The following SETBP1 variants were observed in gnomAD, a reference collection of about 807,000 sequenced individuals.
The protein encoded by SETBP1 is SET-binding protein.
SETBP1 carries 9 observed loss-of-function variants against 101.0 expected under a neutral mutation model. That is an observed-to-expected ratio of 0.09 (90% confidence interval 0.05 to 0.16). The LOEUF is 0.16. SETBP1 is among the 10% of genes least tolerant of loss of function. SETBP1 has a pLI of 1.00. For missense variants in SETBP1, 1,858 were observed against 2,033.8 expected (o/e 0.91, Z 1.66); for synonymous variants, 818 against 788.5 (o/e 1.04, Z -0.63).
intron 2 of SETBP1, among the ~76,000 whole-genome samples, chr18:44,856,923 T>C (rs1555692031): frequency 6.6e-6 from 1 of 152,240 alleles, no homozygotes; most frequent in Non-Finnish European, 1.5e-5. Flanking sequence ...TAGCTCCCCG[T>C]GTAGCAACGG....
chr18:45,035,017 G>C (rs1032679207), intron 4 of SETBP1, among the ~76,000 whole-genome samples: 1 of 150,446 alleles, frequency 6.6e-6, no homozygotes, highest in Non-Finnish European at 1.5e-5. Context: ...CCCCAACTTT[G>C]CTTTTGCTCA....
chr18:44,700,606 T>C (rs576930163), intron 1 of SETBP1, among the ~76,000 whole-genome samples: 1 of 152,220 alleles, frequency 6.6e-6, no homozygotes, highest in South Asian at 2.1e-4. Context: ...AATAGAGAGG[T>C]CTTTGCATAA....
intron 2 of SETBP1, among the ~76,000 whole-genome samples, chr18:44,744,109 G>A (rs1411735826): frequency 4.6e-5 from 7 of 152,180 alleles, no homozygotes; most frequent in African/African-American, 1.7e-4. Context: ...CATTGCTGGC[G>A]AACCCCCACT....
intron 3 of SETBP1, among the ~76,000 whole-genome samples, chr18:44,893,973 G>A (rs2069832298): frequency 6.6e-6 from 1 of 152,100 alleles, no homozygotes; most frequent in Non-Finnish European, 1.5e-5. Flanking sequence ...AGGGATTGGA[G>A]GGGACACTTT....
chr18:44,983,772 T>C (rs1279339635), intron 4 of SETBP1, among the ~76,000 whole-genome samples: 1 of 152,188 alleles, frequency 6.6e-6, no homozygotes, highest in Non-Finnish European at 1.5e-5. Context: ...GTATGGAACT[T>C]TGGGAAGAAC....
intron 4 of SETBP1, among the ~76,000 whole-genome samples, chr18:45,027,406 A>G (rs1164003123): frequency 6.6e-6 from 1 of 152,176 alleles, no homozygotes; most frequent in Admixed American, 6.5e-5. Context: ...AGAGCTTGCA[A>G]TAACCCAATG....
At chr18:44,694,115 A>G (rs577110976) in intron 1 of SETBP1, among the ~76,000 whole-genome samples, 13 of 152,362 alleles carry the variant, frequency 8.5e-5, no homozygotes, top group Middle Eastern at 3.4e-3. Flanking sequence ...GCAAAACAAT[A>G]GTAGATGGAT....
intron 3 of SETBP1, among the ~76,000 whole-genome samples, chr18:44,924,559 A>G (rs2070655719): frequency 6.6e-6 from 1 of 152,200 alleles, no homozygotes; most frequent in Non-Finnish European, 1.5e-5. Context: ...TCAGAGGAAC[A>G]GTGAATGCAC....
At chr18:45,047,847 AAGAC>A (rs1385406372) in intron 5 of SETBP1, among the ~76,000 whole-genome samples, 1 of 152,104 alleles carries the variant, frequency 6.6e-6, no homozygotes, top group East Asian at 1.9e-4. Flanking sequence ...AGGTGTGACA[AAGAC>A]AGAGAGAGAG....
intron 3 of SETBP1, among the ~76,000 whole-genome samples, chr18:44,918,116 A>G (rs1385315722): frequency 6.6e-6 from 1 of 152,222 alleles, no homozygotes; most frequent in Non-Finnish European, 1.5e-5. Context: ...TTTCTTCTCA[A>G]TAAACAGTTG....
At chr18:44,957,162 C>T (rs1038242441) in intron 4 of SETBP1, among the ~76,000 whole-genome samples, 1 of 152,092 alleles carries the variant, frequency 6.6e-6, no homozygotes, top group Admixed American at 6.6e-5. Context: ...TAACATTTAG[C>T]AGAGGGCCAG....
At chr18:44,753,530 G>T (rs1415060249) in intron 2 of SETBP1, among the ~76,000 whole-genome samples, 1 of 152,214 alleles carries the variant, frequency 6.6e-6, no homozygotes, top group African/African-American at 2.4e-5. Context: ...CCATTATGGA[G>T]CCTTTCTAGG....
intron 4 of SETBP1, among the ~76,000 whole-genome samples, chr18:45,007,494 A>G (rs760220257): frequency 1.3e-5 from 2 of 151,832 alleles, no homozygotes; most frequent in Non-Finnish European, 2.9e-5. Context: ...AAAGCCTATG[A>G]GGCCTCCAGG....
intron 5 of SETBP1, among the ~76,000 whole-genome samples, chr18:45,047,809 A>G (rs1360641403): frequency 6.6e-6 from 1 of 152,188 alleles, no homozygotes; most frequent in Non-Finnish European, 1.5e-5. Flanking sequence ...GGAGGCAGGG[A>G]CAGAGAATAG....
chr18:44,850,439 C>T (rs907873992), intron 2 of SETBP1, among the ~76,000 whole-genome samples: 19 of 151,288 alleles, frequency 1.3e-4, no homozygotes, highest in African/African-American at 3.9e-4. Flanking sequence ...GGTGGGATCT[C>T]GGCTCACTAC....
intron 2 of SETBP1, among the ~76,000 whole-genome samples, chr18:44,725,150 G>A (rs187843758): frequency 2.3e-3 from 349 of 152,236 alleles, no homozygotes; most frequent in African/African-American, 7.7e-3. Flanking sequence ...CTCTCCCAAG[G>A]CTAGGGAGAC....
At position 44,950,379 on chromosome 18, in the gene SETBP1, A is replaced by G. The variant is rs2071313268; in HGVS notation, c.1039A>G (p.Ile347Val). Residue 347 changes from isoleucine to valine, a missense_variant, in exon 4 of 6, where the codon ATA (isoleucine) becomes GTA (valine). By Grantham distance (29) the Ile-to-Val change is conservative. Transcript: ENST00000649279. ...SSKKDVISQT[I>V]PNPDLDWVKN... Reference sequence around the variant, plus strand: ...TAAAAAAGATGTGATAAGTCAGACCATACCAAACCCAGACCTGGATTGGGT... The same window carrying G: ...TAAAAAAGATGTGATAAGTCAGACCGTACCAAACCCAGACCTGGATTGGGT... The G allele has an allele frequency of 1.2e-6, 2 of 1,613,990 alleles. No homozygotes were observed. Among genetic ancestry groups the G allele is most frequent in the Non-Finnish European group, 1.7e-6 (2 of 1,180,046 alleles).
intron 4 of SETBP1, among the ~76,000 whole-genome samples, chr18:45,030,936 A>G (rs1785436916): frequency 6.6e-6 from 1 of 151,648 alleles, no homozygotes; most frequent in Admixed American, 6.6e-5. Flanking sequence ...CAGTCTATCA[A>G]TTTTGTTGAT....
intron 3 of SETBP1, among the ~76,000 whole-genome samples, chr18:44,925,823 C>T (rs975678665): frequency 6.6e-6 from 1 of 152,168 alleles, no homozygotes; most frequent in Non-Finnish European, 1.5e-5. Context: ...TTCAGGGCAA[C>T]CTGGAGAAGC....
Sources: gnomAD v4.1 joint callset for allele counts (sites outside exome capture counted in the v4.1 genomes callset) on GRCh38, gnomAD v4.1.1 for gene constraint, MANE v1.5 for transcripts, NCBI Gene and HGNC (gene_info 2026-07-23, HGNC 2026-07-21) for gene names.